ASIC2: variants seen among roughly 807,000 people sequenced by gnomAD.
ASIC2 encodes the protein acid-sensing ion channel 2.
In ASIC2, 25 loss-of-function variants were observed where a neutral mutation model predicts 57.3. That is an observed-to-expected ratio of 0.44 (90% confidence interval 0.32 to 0.61). ASIC2 has a LOEUF of 0.61. Among genes scored for constraint, ASIC2 ranks in the 20% least tolerant of loss-of-function variants. The probability of loss-of-function intolerance (pLI) is 0.06; values close to 1 mark genes in which losing one functional copy is unlikely to be tolerated. For synonymous variants in ASIC2, 319 were observed against 307.5 expected (o/e 1.04, Z -0.39); for missense variants, 641 against 738.1 (o/e 0.87, Z 1.52).
At chr17:33,032,438 CTGTTTTTTTTT>C (rs1470136005) in intron 3 of ASIC2, among the ~76,000 whole-genome samples, 2 of 83,622 alleles carry the variant, frequency 2.4e-5, no homozygotes, top group Non-Finnish European at 4.8e-5. Context: ...CTATAATACA[CTGTTTTTTTTT>C]TTTTTTTTTT....
At chr17:33,424,662 G>A (rs950005383) in intron 1 of ASIC2, among the ~76,000 whole-genome samples, 6 of 152,272 alleles carry the variant, frequency 3.9e-5, no homozygotes, top group African/African-American at 1.2e-4. Flanking sequence ...GAAAGTTCTC[G>A]GATCAACTTT....
At chr17:33,382,649 T>C (rs1194919977) in intron 1 of ASIC2, among the ~76,000 whole-genome samples, 1 of 152,188 alleles carries the variant, frequency 6.6e-6, no homozygotes, top group Non-Finnish European at 1.5e-5. Context: ...CCCTGTAACA[T>C]GAGTTTGACT....
chr17:33,067,706 C>G (rs1293116266), intron 3 of ASIC2, among the ~76,000 whole-genome samples: 1 of 152,088 alleles, frequency 6.6e-6, no homozygotes, highest in Non-Finnish European at 1.5e-5. Context: ...GTCTCAATTG[C>G]CTGAAATATA....
At chr17:33,256,021 C>G (rs557126760) in intron 1 of ASIC2, among the ~76,000 whole-genome samples, 1 of 152,164 alleles carries the variant, frequency 6.6e-6, no homozygotes, top group East Asian at 1.9e-4. Flanking sequence ...GGAAAAAAAA[C>G]GCATTACAGA....
intron 1 of ASIC2, among the ~76,000 whole-genome samples, chr17:33,914,647 C>T (rs1002737521): frequency 9.2e-5 from 14 of 152,276 alleles, no homozygotes; most frequent in Admixed American, 2.0e-4. Flanking sequence ...GTTGAGGACA[C>T]GCAGTGTTGT....
rs542559629 is a variant in ASIC2 at position 33,867,335 on chromosome 17, C to T, written c.555+288643G>A. ...CCCCTGTAATGCACCAGGATCTTCA[C>T]GGTAATGATTTATTTATCTCTAGAA... On this transcript the variant is annotated intron_variant, in intron 1 of 9. Transcript: ENST00000359872. 4.5e-4 allele frequency among the ~76,000 whole-genome samples: 68 copies of T among 152,294 alleles called. 1 individual carries two copies. The highest frequency in any genetic ancestry group is 9.1e-4 in the Admixed American group (14 of 15,302).
At chr17:33,204,631 T>A (rs1040890170) in intron 1 of ASIC2, among the ~76,000 whole-genome samples, 6 of 152,168 alleles carry the variant, frequency 3.9e-5, no homozygotes, top group African/African-American at 1.2e-4. Context: ...GTGCATTTCA[T>A]CCTCCAGCCA....
intron 1 of ASIC2, among the ~76,000 whole-genome samples, chr17:34,150,842 T>C (rs906316620): frequency 3.3e-5 from 5 of 152,010 alleles, no homozygotes; most frequent in South Asian, 2.1e-4. Flanking sequence ...GAGGGTGGCG[T>C]GGTGGCTCAC....
At chr17:33,541,682 A>C (rs530439784) in intron 1 of ASIC2, among the ~76,000 whole-genome samples, 1 of 152,258 alleles carries the variant, frequency 6.6e-6, no homozygotes, top group East Asian at 1.9e-4. Flanking sequence ...CAGAAGCCTC[A>C]TGGAAAGGAG....
intron 1 of ASIC2, chr17:34,038,210 G>A: frequency 6.2e-7 from 1 of 1,612,126 alleles, no homozygotes. Flanking sequence ...GTACTTTAAA[G>A]CATTCACAAT....
chr17:33,759,141 A>AAAG (rs1910701968), intron 1 of ASIC2, among the ~76,000 whole-genome samples: 1 of 152,214 alleles, frequency 6.6e-6, no homozygotes, highest in South Asian at 2.1e-4. Flanking sequence ...TATGGACAGT[A>AAAG]AAGACCATTC....
intron 1 of ASIC2, chr17:34,155,954 G>C (rs2142148079): frequency 1.8e-5 from 29 of 1,580,326 alleles, no homozygotes; most frequent in Non-Finnish European, 2.5e-5. Context: ...ACCAGACAGA[G>C]TGAGCTGAAA....
intron 1 of ASIC2, among the ~76,000 whole-genome samples, chr17:33,638,530 A>G (rs977277132): frequency 1.2e-4 from 18 of 152,192 alleles, no homozygotes; most frequent in Admixed American, 6.5e-5. Context: ...ACATATGCAC[A>G]CCATTTGCAT....
chr17:33,879,637 C>T (rs1301259326), intron 1 of ASIC2, among the ~76,000 whole-genome samples: 1 of 152,180 alleles, frequency 6.6e-6, no homozygotes, highest in Non-Finnish European at 1.5e-5. Flanking sequence ...GAGACTTAGA[C>T]TCCCACACAA....
intron 1 of ASIC2, among the ~76,000 whole-genome samples, chr17:33,878,703 A>G (rs1914617615): frequency 6.6e-6 from 1 of 152,216 alleles, no homozygotes; most frequent in South Asian, 2.1e-4. Flanking sequence ...ATCCAGGAGC[A>G]CTTCCCCAAT....
intron 1 of ASIC2, among the ~76,000 whole-genome samples, chr17:33,431,624 GA>G (rs1274230746): frequency 2.6e-5 from 4 of 152,074 alleles, no homozygotes. Flanking sequence ...AGAGAGTCAG[GA>G]AATCTCAGAA....
intron 1 of ASIC2, among the ~76,000 whole-genome samples, chr17:33,726,480 T>A (rs1909564273): frequency 6.6e-6 from 1 of 152,118 alleles, no homozygotes; most frequent in Admixed American, 6.6e-5. Context: ...CATGAAGGAG[T>A]GGGGAGAAAG....
Position 33,028,239 on chromosome 17 carries a change from G to T in ASIC2, c.1138+3C>A. On this transcript the variant is annotated splice_donor_region_variant and intron_variant, in intron 4 of 9. Coordinates refer to ENST00000225823, the MANE Select transcript of ASIC2 (RefSeq NM_183377.2). ...CCTGTGGCCACCCTGCCCTGGCACTGACCTGGCATGTGAACCATGCGGCAG... is the reference window on the plus strand; with the variant it reads ...CCTGTGGCCACCCTGCCCTGGCACTTACCTGGCATGTGAACCATGCGGCAG... 1 of 1,613,764 alleles carries T rather than the reference G, an allele frequency of 6.2e-7. No homozygotes were observed. The highest frequency in any genetic ancestry group is 1.1e-5 in the South Asian group (1 of 91,042).
At chr17:33,959,996 T>C (rs1454097727) in intron 1 of ASIC2, among the ~76,000 whole-genome samples, 3 of 152,224 alleles carry the variant, frequency 2.0e-5, no homozygotes, top group Non-Finnish European at 4.4e-5. Context: ...ACTTTGTCTA[T>C]GCTAATCACA....
Sources: gnomAD v4.1 joint callset for allele counts (sites outside exome capture counted in the v4.1 genomes callset) on GRCh38, gnomAD v4.1.1 for gene constraint, MANE v1.5 for transcripts, NCBI Gene and HGNC (gene_info 2026-07-23, HGNC 2026-07-21) for gene names.